CDH18: variants seen among roughly 807,000 people sequenced by gnomAD.
The protein encoded by CDH18 is cadherin-18.
CDH18 carries 31 observed loss-of-function variants against 67.9 expected under a neutral mutation model. The ratio of observed to expected loss-of-function variants is 0.46; its 90% confidence interval spans 0.34 to 0.62. The LOEUF (loss-of-function observed/expected upper bound fraction) is 0.62. Among genes scored for constraint, CDH18 ranks in the 20% least tolerant of loss-of-function variants. The pLI is 0.01. For missense variants in CDH18, 890 were observed against 975.5 expected (o/e 0.91, Z 1.17); for synonymous variants, 362 against 347.2 (o/e 1.04, Z -0.48).
intron 1 of CDH18, among the ~76,000 whole-genome samples, chr5:20,504,676 G>A (rs1486110891): frequency 6.6e-6 from 1 of 151,434 alleles, no homozygotes; most frequent in Non-Finnish European, 1.5e-5. Context: ...GGGGAATCAG[G>A]AAGACTTAAT....
At chr5:19,920,239 A>G (rs1792280639) in intron 2 of CDH18, among the ~76,000 whole-genome samples, 1 of 152,230 alleles carries the variant, frequency 6.6e-6, no homozygotes, top group Non-Finnish European at 1.5e-5. Flanking sequence ...TATAATTTAG[A>G]CATTAGAAAT....
intron 3 of CDH18, among the ~76,000 whole-genome samples, chr5:19,801,111 C>A (rs1052424621): frequency 6.6e-6 from 1 of 152,054 alleles, no homozygotes; most frequent in Admixed American, 6.5e-5. Context: ...CACTCCGTCT[C>A]AGAACAACAA....
intron 5 of CDH18, among the ~76,000 whole-genome samples, chr5:19,640,018 G>T (rs905125658): frequency 2.0e-5 from 3 of 152,098 alleles, no homozygotes; most frequent in Non-Finnish European, 4.4e-5. Flanking sequence ...TATACCCAGA[G>T]AAATTATCTT....
chr5:19,886,340 A>G (rs1788194033), intron 2 of CDH18: 1 of 152,196 alleles, frequency 6.6e-6, no homozygotes, highest in Non-Finnish European at 1.5e-5. Flanking sequence ...TGCAAGCTAA[A>G]AGCTATGCAG....
intron 3 of CDH18, among the ~76,000 whole-genome samples, chr5:19,777,010 T>G (rs1486764504): frequency 2.0e-5 from 3 of 152,184 alleles, no homozygotes; most frequent in Admixed American, 1.3e-4. Flanking sequence ...TGCAAATATA[T>G]GGCTCACACC....
chr5:20,151,023 AT>A (rs879656449), intron 2 of CDH18, among the ~76,000 whole-genome samples: 150 of 148,566 alleles, frequency 1.0e-3, no homozygotes, highest in Middle Eastern at 3.5e-3. Context: ...TTTTATTTCA[AT>A]TTTTTTTTTA....
chr5:20,137,651 G>A (rs1749853485), intron 2 of CDH18, among the ~76,000 whole-genome samples: 1 of 152,126 alleles, frequency 6.6e-6, no homozygotes, highest in South Asian at 2.1e-4. Flanking sequence ...CATTCCTCTG[G>A]AGGAGAAGAG....
intron 4 of CDH18, among the ~76,000 whole-genome samples, chr5:19,743,276 A>G (rs959095747): frequency 1.9e-4 from 29 of 152,236 alleles, no homozygotes; most frequent in Admixed American, 4.6e-4. Context: ...CTGGCAGAAC[A>G]CTAACTGCTA....
intron 1 of CDH18, among the ~76,000 whole-genome samples, chr5:20,429,703 TA>T (rs770176389): frequency 1.3e-5 from 2 of 152,202 alleles, no homozygotes; most frequent in African/African-American, 4.8e-5. Context: ...GCAGTTTGCA[TA>T]AGGCTTAACA....
In CDH18 at chr5:19,631,519, T is replaced by A. The variant is rs1033170930; in HGVS notation, c.644-18918A>T. On this transcript the variant is annotated intron_variant, in intron 5 of 12. Transcript: ENST00000382275. The stretch of plus-strand genomic sequence containing the variant: ...GTCACTTAACCAAACAGTTGGCAAA[T>A]TCTGAAGCGATTTTCAAGTTACAGG... 3.0e-4 allele frequency among the ~76,000 whole-genome samples: 46 copies of A among 152,116 alleles called. 1 individual carries two copies. The highest frequency in any genetic ancestry group is 1.0e-4 in the Non-Finnish European group (7 of 67,994).
At chr5:20,534,919 A>G (rs1756628514) in intron 1 of CDH18, among the ~76,000 whole-genome samples, 1 of 151,930 alleles carries the variant, frequency 6.6e-6, no homozygotes. Context: ...ATAGCTTGCT[A>G]TAAATATATA....
At chr5:20,170,629 A>T (rs1159176472) in intron 2 of CDH18, among the ~76,000 whole-genome samples, 1 of 152,140 alleles carries the variant, frequency 6.6e-6, no homozygotes, top group Non-Finnish European at 1.5e-5. Context: ...ACTCATACTT[A>T]TTCAAACATT....
At chr5:19,641,013 G>A (rs1342157675) in intron 5 of CDH18, among the ~76,000 whole-genome samples, 1 of 151,628 alleles carries the variant, frequency 6.6e-6, no homozygotes, top group Non-Finnish European at 1.5e-5. Flanking sequence ...GGATGCCTCA[G>A]AAATGAAGGG....
intron 5 of CDH18, among the ~76,000 whole-genome samples, chr5:19,718,044 T>C (rs546619461): frequency 6.6e-6 from 1 of 151,986 alleles, no homozygotes; most frequent in Non-Finnish European, 1.5e-5. Context: ...GTAAAAAAAT[T>C]CAGATATTAT....
chr5:19,678,983 G>A (rs1232323314), intron 5 of CDH18, among the ~76,000 whole-genome samples: 4 of 151,820 alleles, frequency 2.6e-5, no homozygotes, highest in African/African-American at 9.7e-5. Flanking sequence ...AAACCAGACA[G>A]AGACACAATG....
intron 3 of CDH18, among the ~76,000 whole-genome samples, chr5:19,776,591 G>T (rs1774412187): frequency 6.6e-6 from 1 of 152,124 alleles, no homozygotes; most frequent in Non-Finnish European, 1.5e-5. Flanking sequence ...AAGGCGTAAT[G>T]ACAGTGTCAT....
intron 1 of CDH18, among the ~76,000 whole-genome samples, chr5:20,383,597 T>C (rs2150104149): frequency 6.6e-6 from 1 of 152,314 alleles, no homozygotes; most frequent in Non-Finnish European, 1.5e-5. Context: ...GCTGATCAAC[T>C]GGCATAAAAT....
chr5:20,385,511 A>G (rs1044971665), intron 1 of CDH18, among the ~76,000 whole-genome samples: 1 of 152,170 alleles, frequency 6.6e-6, no homozygotes, highest in Non-Finnish European at 1.5e-5. Context: ...GATGCTAACT[A>G]GGATCTTGGG....
intron 5 of CDH18, among the ~76,000 whole-genome samples, chr5:19,620,649 G>A (rs970578437): frequency 6.6e-6 from 1 of 152,144 alleles, no homozygotes; most frequent in African/African-American, 2.4e-5. Flanking sequence ...TCAGGCAGAT[G>A]TAGTTATTTT....
Sources: allele counts gnomAD v4.1 joint callset (sites outside exome capture counted in the v4.1 genomes callset), GRCh38; gene constraint gnomAD v4.1.1; transcripts MANE v1.5; gene names NCBI Gene and HGNC (gene_info 2026-07-23, HGNC 2026-07-21).